The following ABCD3 variants were observed in gnomAD, a reference collection of about 807,000 sequenced individuals.
ABCD3 encodes the protein ATP-binding cassette sub-family D member 3.
In ABCD3, 41 loss-of-function variants were observed where a neutral mutation model predicts 105.5. The ratio of observed to expected loss-of-function variants is 0.39; its 90% confidence interval spans 0.30 to 0.50. The LOEUF (loss-of-function observed/expected upper bound fraction) is 0.50. Ranked by LOEUF, ABCD3 falls within the 20% of genes least tolerant of loss-of-function variation. The probability of loss-of-function intolerance (pLI) is 0.84; values close to 1 mark genes in which losing one functional copy is unlikely to be tolerated. For synonymous variants in ABCD3, 258 were observed against 269.0 expected (o/e 0.96, Z 0.40); for missense variants, 622 against 806.3 (o/e 0.77, Z 2.77).
upstream of ABCD3, among the ~76,000 whole-genome samples, chr1:94,417,371 A>C (rs979892865): frequency 2.6e-5 from 4 of 152,228 alleles, no homozygotes; most frequent in East Asian, 7.7e-4. Context: ...TATGTGCATT[A>C]TGCGAGGTTT....
chr1:94,495,939 AAAAAG>A, intron 16 of ABCD3, among the ~76,000 whole-genome samples: 1 of 152,324 alleles, frequency 6.6e-6, no homozygotes, highest in African/African-American at 2.4e-5. Flanking sequence ...TGTGTTATTT[AAAAAG>A]AAGTCTATCA....
At chr1:94,420,443 A>AT (rs1004480400) in intron 1 of ABCD3, among the ~76,000 whole-genome samples, 3 of 151,820 alleles carry the variant, frequency 2.0e-5, no homozygotes, top group African/African-American at 4.8e-5. Flanking sequence ...GCCTAAAAAA[A>AT]TTTTTTTTTG....
intron 1 of ABCD3, among the ~76,000 whole-genome samples, chr1:94,455,490 T>C (rs1441322719): frequency 3.3e-5 from 5 of 152,064 alleles, no homozygotes; most frequent in Admixed American, 2.0e-4. Context: ...CACGCCCGGC[T>C]AATTTTGTAT....
chr1:94,421,692 G>A (rs1467027358), intron 1 of ABCD3, among the ~76,000 whole-genome samples: 4 of 151,976 alleles, frequency 2.6e-5, no homozygotes, highest in Admixed American at 1.3e-4. Context: ...AGATAGACAT[G>A]TCTTAGAAGT....
chr1:94,472,255 T>G, intron 4 of ABCD3: 1 of 971,578 alleles, frequency 1.0e-6, no homozygotes, highest in Non-Finnish European at 1.2e-6. Flanking sequence ...AAACCATTGC[T>G]GAATGATGGC....
At chr1:94,510,540 A>G (rs1650608577) in intron 21 of ABCD3, among the ~76,000 whole-genome samples, 1 of 152,046 alleles carries the variant, frequency 6.6e-6, no homozygotes. Flanking sequence ...ATTCCTGGGT[A>G]TCTTTGTTGA....
In ABCD3 at chr1:94,498,984, A is replaced by C; in HGVS notation, c.1570A>C (p.Ile524Leu). ...MTLGTLRDQV[I>L]YPDGREDQKR... ...CCTTGGAACACTTCGAGATCAAGTG[A>C]TATATCCAGATGGACGAGAAGATCA... is the stretch of plus-strand genomic sequence containing the variant. The change falls in exon 19 of 23, where the codon ATA (isoleucine) becomes CTA (leucine). Residue 524 changes from isoleucine to leucine, a missense_variant. By Grantham distance (5) the Ile-to-Leu change is conservative. This residue lies in a region of ABCD3 where 285 missense variants were observed against 352.5 expected (regional missense o/e 0.81). Transcript: ENST00000370214. 1 of 1,613,994 alleles carries C rather than the reference A, an allele frequency of 6.2e-7. No individual in the cohort carries two copies. Among genetic ancestry groups the C allele is most frequent in the Non-Finnish European group, 8.5e-7 (1 of 1,179,966 alleles).
intron 4 of ABCD3, among the ~76,000 whole-genome samples, chr1:94,469,729 G>A (rs1002726009): frequency 1.4e-5 from 2 of 140,688 alleles, no homozygotes; most frequent in African/African-American, 2.6e-5. Context: ...GCAGCGGCGC[G>A]ATCTCAGCTC....
At chr1:94,501,325 C>T (rs1650091297) in intron 20 of ABCD3, among the ~76,000 whole-genome samples, 1 of 150,506 alleles carries the variant, frequency 6.6e-6, no homozygotes, top group Non-Finnish European at 1.5e-5. Flanking sequence ...ATGGGGAAAG[C>T]TCACCTGTGA....
At chr1:94,503,361 G>GTGC (rs1230898161) in intron 20 of ABCD3, among the ~76,000 whole-genome samples, 1 of 152,134 alleles carries the variant, frequency 6.6e-6, no homozygotes, top group Non-Finnish European at 1.5e-5. Context: ...AATTAACTGT[G>GTGC]TGCTGCTCTG....
chr1:94,386,975 T>C, the ABCD3 span, among the ~76,000 whole-genome samples: 2 of 152,268 alleles, frequency 1.3e-5, no homozygotes, highest in East Asian at 1.9e-4. Flanking sequence ...ATGATGATTA[T>C]TTGGAGCTGC....
At chr1:94,449,064 T>C (rs1220797636) in intron 1 of ABCD3, among the ~76,000 whole-genome samples, 1 of 151,930 alleles carries the variant, frequency 6.6e-6, no homozygotes, top group South Asian at 2.1e-4. Context: ...TAACAAAAAG[T>C]TGGGAAATAG....
At chr1:94,394,710 C>T in the ABCD3 span, among the ~76,000 whole-genome samples, 21 of 152,306 alleles carry the variant, frequency 1.4e-4, no homozygotes, top group African/African-American at 4.3e-4. Flanking sequence ...GTCTCCACCA[C>T]GTGTCTTAGG....
At position 94,487,759 on chromosome 1, in the gene ABCD3, C is replaced by T; in HGVS notation, c.1033C>T (p.His345Tyr). ...TTTCTTAGATTTGTCTCATCCTCGA[C>T]ATCTCAAGAGTACACATTCGGAACT... Reference protein sequence around the residue: ...RPFLDLSHPRHLKSTHSELLE... With the variant: ...RPFLDLSHPRYLKSTHSELLE... Residue 345 changes from histidine (H) to tyrosine (Y), a missense_variant, in exon 12 of 23, where the codon CAT becomes TAT. Physicochemically the swap from His to Tyr is moderately conservative, Grantham distance 83 (BLOSUM62 2). Transcript: ENST00000370214. The T allele has an allele frequency of 6.2e-6, 10 of 1,614,012 alleles. No individual in the cohort carries two copies. Among genetic ancestry groups the T allele is most frequent in the East Asian group, 2.2e-5 (1 of 44,860 alleles).
chr1:94,397,306 C>A, the ABCD3 span, among the ~76,000 whole-genome samples: 1 of 152,170 alleles, frequency 6.6e-6, no homozygotes, highest in Non-Finnish European at 1.5e-5. Context: ...ATTTCCCCAG[C>A]GTTTCCACTT....
rs1053162459 is a variant in ABCD3, at chr1:94,518,508, A to C, written c.*1379A>C. 2.2e-4 allele frequency: 33 copies of C among 152,268 alleles called. No individual in the cohort carries two copies. The highest frequency in any genetic ancestry group is 7.7e-4 in the African/African-American group (32 of 41,484). The allele number at this position is 152,268 out of a possible 1,614,324, so 9.4% of individuals were successfully genotyped here. ...TTTCTGTTCAGATTAAAAAAAAAAA[A>C]AAAAAACTCAGATATCCTATACAAC... On this transcript the variant is annotated 3_prime_UTR_variant, in exon 23 of 23. Coordinates refer to ENST00000370214, the MANE Select transcript of ABCD3 (RefSeq NM_002858.4).
chr1:94,434,532 C>T (rs183026357), intron 1 of ABCD3, among the ~76,000 whole-genome samples: 36 of 152,076 alleles, frequency 2.4e-4, no homozygotes, highest in Admixed American at 2.1e-3. Flanking sequence ...TGTTGTACTG[C>T]GGTATGATGT....
chr1:94,499,416 C>A, intron 19 of ABCD3, 79 bp from the exon 20 acceptor site: 1 of 1,395,854 alleles, frequency 7.2e-7, no homozygotes, highest in East Asian at 2.3e-5. Flanking sequence ...TATAGTGATT[C>A]CAGTTTAAAA....
intron 1 of ABCD3, among the ~76,000 whole-genome samples, chr1:94,434,146 A>G (rs1659803234): frequency 6.6e-6 from 1 of 152,230 alleles, no homozygotes; most frequent in South Asian, 2.1e-4. Flanking sequence ...CTTTATAAAC[A>G]CTGTACACTT....
Sources: gnomAD v4.1 joint callset for allele counts (sites outside exome capture counted in the v4.1 genomes callset) on GRCh38, gnomAD v4.1.1 for gene constraint, gnomAD v4.1.1 regional missense constraint, MANE v1.5 for transcripts, NCBI Gene and HGNC (gene_info 2026-07-23, HGNC 2026-07-21) for gene names.